The following CHN2 variants were observed in gnomAD, a reference collection of about 807,000 sequenced individuals.
CHN2 encodes chimerin 2, also known as beta-chimaerin.
A neutral mutation model predicts 56.3 loss-of-function variants in CHN2; 35 were observed. The ratio of observed to expected loss-of-function variants is 0.62; its 90% CI spans 0.47 to 0.82. CHN2 has a LOEUF of 0.82. Ranked by LOEUF, CHN2 falls within the 40% of genes least tolerant of loss-of-function variation. The probability of loss-of-function intolerance (pLI) is 0.00; values close to 1 mark genes in which losing one functional copy is unlikely to be tolerated. For missense variants in CHN2, 491 were observed against 580.5 expected (o/e 0.85, Z 1.58); for synonymous variants, 210 against 212.8 (o/e 0.99, Z 0.12).
At chr7:29,276,879 A>G (rs894703494) in intron 1 of CHN2, among the ~76,000 whole-genome samples, 1 of 152,192 alleles carries the variant, frequency 6.6e-6, no homozygotes, top group Non-Finnish European at 1.5e-5. Flanking sequence ...TTTACATTCA[A>G]GGTGGTATTG....
intron 6 of CHN2, among the ~76,000 whole-genome samples, chr7:29,432,516 T>C (rs538495066): frequency 2.6e-5 from 4 of 152,204 alleles, no homozygotes; most frequent in Non-Finnish European, 5.9e-5. Flanking sequence ...GGTTGGCCAA[T>C]TAAAGGATCC....
chr7:29,309,879 A>G (rs187271142), intron 1 of CHN2, among the ~76,000 whole-genome samples: 1,613 of 152,198 alleles, frequency 0.011, 21 homozygotes, highest in Middle Eastern at 0.02. Flanking sequence ...TGGCTGTTAC[A>G]TGGATCCAGG....
In CHN2 at chr7:29,495,124, G is replaced by T. The variant is rs578160410; in HGVS notation, c.655-828G>T. Among the ~76,000 whole-genome samples the T allele has an allele frequency of 9.9e-5, 15 of 152,230 alleles. 1 individual carries two copies. Among genetic ancestry groups the T allele is most frequent in the African/African-American group, 3.1e-4 (13 of 41,544 alleles). On this transcript the variant is annotated intron_variant, in intron 7 of 12. Transcript: ENST00000222792. ...CGATAGACTGCCTATGGTCATTTTA[G>T]ATTGACCATGGCCACATTTCCTTCT...
intron 2 of CHN2, chr7:29,147,003 T>G: frequency 6.5e-7 from 1 of 1,550,120 alleles, no homozygotes; most frequent in South Asian, 1.2e-5. Context: ...AGCACTCTCC[T>G]GAATCACTGC....
chr7:29,512,651 C>G lies in CHN2; in HGVS notation c.1323C>G (p.Asp441Glu). 1 of 1,614,174 alleles carries G rather than the reference C, an allele frequency of 6.2e-7. No individual in the cohort carries two copies. Residue 441 changes from aspartate to glutamate, a missense_variant, in exon 13 of 13, where the codon GAC (aspartate) becomes GAG (glutamate). Asp to Glu is a conservative substitution (Grantham distance 45). Coordinates refer to ENST00000222792, the MANE Select transcript of CHN2 (RefSeq NM_004067.4). ...FGPTLMRPPEDSTLTTLHDMR... is the reference protein window; with the variant it reads ...FGPTLMRPPEESTLTTLHDMR... ...CCACTCTGATGAGGCCCCCTGAGGA[C>G]AGCACCCTGACCACCCTGCATGATA...
intron 1 of CHN2, among the ~76,000 whole-genome samples, chr7:29,313,769 C>A (rs1233475586): frequency 6.6e-6 from 1 of 152,294 alleles, no homozygotes; most frequent in African/African-American, 2.4e-5. Flanking sequence ...TGTTCATACC[C>A]TTTATCTCCT....
intron 1 of CHN2, among the ~76,000 whole-genome samples, chr7:29,253,299 C>T (rs549765202): frequency 5.9e-5 from 9 of 152,328 alleles, no homozygotes; most frequent in East Asian, 1.9e-4. Flanking sequence ...GGCTGCCCTA[C>T]CTACAGCCTC....
At chr7:29,349,804 A>C (rs1393411132) in intron 1 of CHN2, among the ~76,000 whole-genome samples, 1 of 152,084 alleles carries the variant, frequency 6.6e-6, no homozygotes, top group Non-Finnish European at 1.5e-5. Flanking sequence ...GCGTTCAAGG[A>C]TAATTTTTTT....
chr7:29,376,980 T>C (rs1274012434), intron 3 of CHN2, among the ~76,000 whole-genome samples: 1 of 152,214 alleles, frequency 6.6e-6, no homozygotes, highest in South Asian at 2.1e-4. Context: ...GTGTTACTAA[T>C]TAACAAAGCT....
chr7:29,282,446 A>G (rs1375836591), intron 1 of CHN2, among the ~76,000 whole-genome samples: 1 of 152,194 alleles, frequency 6.6e-6, no homozygotes, highest in Non-Finnish European at 1.5e-5. Context: ...GTGGCTCATT[A>G]TATGTTACAT....
intron 7 of CHN2, among the ~76,000 whole-genome samples, chr7:29,490,952 TCTA>T (rs1427289870): frequency 6.6e-6 from 1 of 152,212 alleles, no homozygotes; most frequent in African/African-American, 2.4e-5. Context: ...AGCTATTTGA[TCTA>T]CTAGTTTCTG....
chr7:29,273,168 G>A (rs1790801001), intron 1 of CHN2, among the ~76,000 whole-genome samples: 1 of 151,154 alleles, frequency 6.6e-6, no homozygotes, highest in African/African-American at 2.4e-5. Context: ...CTATCTCTGT[G>A]TATTTGAGCT....
At chr7:29,235,661 A>T (rs925037862) in intron 1 of CHN2, among the ~76,000 whole-genome samples, 7 of 152,244 alleles carry the variant, frequency 4.6e-5, no homozygotes, top group Non-Finnish European at 1.0e-4. Flanking sequence ...AGCAAACTGG[A>T]TAAAGAAAAT....
intron 1 of CHN2, among the ~76,000 whole-genome samples, chr7:29,223,382 T>A (rs1293985327): frequency 6.6e-6 from 1 of 152,174 alleles, no homozygotes; most frequent in African/African-American, 2.4e-5. Context: ...TCCAGGTAGA[T>A]GTAGCTAATA....
At chr7:29,505,929 C>T (rs572800191) in intron 10 of CHN2, among the ~76,000 whole-genome samples, 32 of 152,314 alleles carry the variant, frequency 2.1e-4, no homozygotes, top group African/African-American at 7.0e-4. Context: ...ATCAACATGG[C>T]ATATCTTCTA....
rs1372186122 is a variant in CHN2, at chr7:29,513,990, TTTGA to T, written c.*1260_*1263del. The stretch of plus-strand genomic sequence containing the variant: ...AAAATCCAACTGCAATGTCTTTTCC[TTTGA>T]TTGAGATGATTTGTGTAAACTCACC... On this transcript the variant is annotated 3_prime_UTR_variant, in exon 13 of 13. Coordinates refer to ENST00000222792, the MANE Select transcript of CHN2 (RefSeq NM_004067.4). 6.6e-6 allele frequency: 1 copy of T among 152,650 alleles called. No individual in the cohort carries two copies. The allele number at this position is 152,650 out of a possible 1,614,324, so 9.5% of individuals were successfully genotyped here. A position where few individuals can be genotyped will look rare whatever the true frequency, so the allele number is the denominator to read the frequency against.
intron 12 of CHN2, among the ~76,000 whole-genome samples, chr7:29,510,884 G>A (rs1276784173): frequency 6.6e-6 from 1 of 152,178 alleles, no homozygotes; most frequent in Non-Finnish European, 1.5e-5. Flanking sequence ...GGGAGACAGA[G>A]ATGGAGACGT....
intron 2 of CHN2, among the ~76,000 whole-genome samples, chr7:29,157,345 C>G (rs145052598): frequency 2.0e-5 from 3 of 152,052 alleles, no homozygotes; most frequent in African/African-American, 4.8e-5. Flanking sequence ...CAATGCCCAG[C>G]CCCTGCTGGT....
At chr7:29,391,401 A>G (rs576242422) in intron 3 of CHN2, among the ~76,000 whole-genome samples, 4 of 151,616 alleles carry the variant, frequency 2.6e-5, no homozygotes, top group Admixed American at 6.6e-5. Context: ...AGGGGAGAAG[A>G]GAGGAAGGGA....
Sources: allele counts gnomAD v4.1 joint callset (sites outside exome capture counted in the v4.1 genomes callset), GRCh38; gene constraint gnomAD v4.1.1; transcripts MANE v1.5; gene names NCBI Gene and HGNC (gene_info 2026-07-23, HGNC 2026-07-21).